Variants in KHDRBS2 observed in about 807,000 individuals in gnomAD.
KHDRBS2 encodes KH domain-containing, RNA-binding, signal transduction-associated protein 2.
In KHDRBS2, 26 loss-of-function variants were observed where a neutral mutation model predicts 44.3. That is an observed-to-expected ratio of 0.59 (90% CI 0.43 to 0.81). The LOEUF is 0.81. KHDRBS2 is among the 40% of genes least tolerant of loss of function. The probability of loss-of-function intolerance (pLI) is 0.00; values close to 1 mark genes in which losing one functional copy is unlikely to be tolerated. For missense variants in KHDRBS2, 476 were observed against 433.1 expected, an observed-to-expected ratio of 1.10 and a Z score of -0.88; for synonymous variants, 194 against 151.1, an observed-to-expected ratio of 1.28 and a Z score of -2.08.
At chr6:61,878,211 T>C (rs907336665) in intron 6 of KHDRBS2, among the ~76,000 whole-genome samples, 2 of 151,902 alleles carry the variant, frequency 1.3e-5, no homozygotes, top group African/African-American at 4.8e-5. Flanking sequence ...ATAGACACAT[T>C]AATCTCCATG....
intron 6 of KHDRBS2, among the ~76,000 whole-genome samples, chr6:61,815,681 G>A (rs1192711945): frequency 6.6e-6 from 1 of 152,052 alleles, no homozygotes; most frequent in African/African-American, 2.4e-5. Context: ...AATTATTGAG[G>A]AAGAAAATAT....
intron 6 of KHDRBS2, among the ~76,000 whole-genome samples, chr6:61,775,136 G>A (rs1427013305): frequency 1.3e-5 from 2 of 152,040 alleles, no homozygotes; most frequent in African/African-American, 4.8e-5. Context: ...TGGATGGGAT[G>A]TATCTCAAAA....
At chr6:62,049,466 A>G (rs866551568) in intron 2 of KHDRBS2, among the ~76,000 whole-genome samples, 13 of 146,070 alleles carry the variant, frequency 8.9e-5, no homozygotes, top group African/African-American at 2.8e-4. Context: ...CTAGGAAGAG[A>G]TTACTTAATT....
At chr6:61,770,823 G>A (rs1356348494) in intron 6 of KHDRBS2, among the ~76,000 whole-genome samples, 1 of 152,102 alleles carries the variant, frequency 6.6e-6, no homozygotes, top group African/African-American at 2.4e-5. Flanking sequence ...TCAAATTCAG[G>A]AAATACAGAG....
At chr6:62,157,876 C>T (rs919097598) in intron 2 of KHDRBS2, among the ~76,000 whole-genome samples, 2 of 152,084 alleles carry the variant, frequency 1.3e-5, no homozygotes, top group African/African-American at 4.8e-5. Flanking sequence ...CATAGCTTCC[C>T]CCTTTTCTTC....
chr6:61,561,608 C>A, the KHDRBS2 span, among the ~76,000 whole-genome samples: 209 of 152,232 alleles, frequency 1.4e-3, 1 homozygote, highest in African/African-American at 4.8e-3. Context: ...GGGAGAGGAG[C>A]TTCTCCCCAT....
the KHDRBS2 span, among the ~76,000 whole-genome samples, chr6:61,625,799 C>T: frequency 3.3e-5 from 5 of 152,176 alleles, no homozygotes; most frequent in Admixed American, 3.3e-4. Flanking sequence ...CTGCTTTTCA[C>T]AGGATTCAAA....
intron 4 of KHDRBS2, among the ~76,000 whole-genome samples, chr6:61,962,825 T>C (rs965876843): frequency 3.3e-5 from 5 of 152,128 alleles, no homozygotes; most frequent in African/African-American, 1.2e-4. Flanking sequence ...TTTAGAACCT[T>C]TGTTCCATCA....
At chr6:61,855,435 T>C (rs1796007567) in intron 6 of KHDRBS2, among the ~76,000 whole-genome samples, 1 of 151,886 alleles carries the variant, frequency 6.6e-6, no homozygotes, top group Non-Finnish European at 1.5e-5. Flanking sequence ...ATGATAATAA[T>C]AGGTGCCTCC....
chr6:61,626,043 T>G, the KHDRBS2 span, among the ~76,000 whole-genome samples: 1 of 152,218 alleles, frequency 6.6e-6, no homozygotes, highest in African/African-American at 2.4e-5. Flanking sequence ...GTCCATAATC[T>G]ATTAATGAAG....
At chr6:61,953,202 G>A (rs1442876210) in intron 4 of KHDRBS2, among the ~76,000 whole-genome samples, 2 of 151,942 alleles carry the variant, frequency 1.3e-5, no homozygotes, top group East Asian at 3.9e-4. Flanking sequence ...TAATGACCCA[G>A]TGAAAAGTAG....
chr6:61,708,346 T>A (rs939334684), intron 7 of KHDRBS2, among the ~76,000 whole-genome samples: 1 of 151,612 alleles, frequency 6.6e-6, no homozygotes, highest in Non-Finnish European at 1.5e-5. Flanking sequence ...TTGATCATTT[T>A]GTGTACTAAA....
intron 4 of KHDRBS2, among the ~76,000 whole-genome samples, chr6:61,931,038 A>G (rs1809943629): frequency 6.6e-6 from 1 of 152,106 alleles, no homozygotes; most frequent in African/African-American, 2.4e-5. Context: ...AATTTTACAT[A>G]ATAATGTGAA....
At chr6:61,868,089 C>T (rs1261143977) in intron 6 of KHDRBS2, among the ~76,000 whole-genome samples, 2 of 152,072 alleles carry the variant, frequency 1.3e-5, no homozygotes, top group South Asian at 2.1e-4. Flanking sequence ...CAGCCCACCC[C>T]GACCCCCAAG....
At chr6:62,164,177 T>C (rs1235000209) in intron 2 of KHDRBS2, among the ~76,000 whole-genome samples, 2 of 151,914 alleles carry the variant, frequency 1.3e-5, no homozygotes, top group East Asian at 3.9e-4. Flanking sequence ...CTATATGATG[T>C]AATGAGATAA....
the KHDRBS2 span, among the ~76,000 whole-genome samples, chr6:61,595,552 T>C: frequency 5.8e-4 from 88 of 152,188 alleles, no homozygotes; most frequent in Middle Eastern, 3.4e-3. Context: ...TCATACACTT[T>C]GCATATAAAA....
chr6:61,645,071 C>T, the KHDRBS2 span, among the ~76,000 whole-genome samples: 6 of 152,122 alleles, frequency 3.9e-5, no homozygotes, highest in South Asian at 2.1e-4. Context: ...AACCTAAATG[C>T]CCATCAATGA....
chr6:61,984,905 C>A lies in KHDRBS2; in HGVS notation c.337-6693G>T, dbSNP rs115028597. On this transcript the variant is annotated intron_variant, in intron 3 of 8. Coordinates refer to ENST00000281156, the MANE Select transcript of KHDRBS2 (RefSeq NM_152688.4). The stretch of plus-strand genomic sequence containing the variant: ...CGCAATTAAAGTATGTACCACATTA[C>A]ATATTTGTTCTGCAATTATAAGCAC... Among the ~76,000 whole-genome samples the A allele has an allele frequency of 3.6e-3, 555 of 152,300 alleles. 4 individuals carry two copies. Among genetic ancestry groups the A allele is most frequent in the African/African-American group, 0.012 (513 of 41,558 alleles).
chr6:62,037,694 T>A (rs1293773895), intron 3 of KHDRBS2, among the ~76,000 whole-genome samples: 2 of 151,966 alleles, frequency 1.3e-5, no homozygotes, highest in East Asian at 1.9e-4. Context: ...TGCCTTTTTT[T>A]AAAACCCTAT....
Sources: allele counts gnomAD v4.1 joint callset (sites outside exome capture counted in the v4.1 genomes callset), GRCh38; gene constraint gnomAD v4.1.1; transcripts MANE v1.5; gene names NCBI Gene and HGNC (gene_info 2026-07-23, HGNC 2026-07-21).